Variants in RANBP2 observed in about 807,000 individuals in gnomAD.
The protein encoded by RANBP2 is E3 SUMO-protein ligase RanBP2.
In RANBP2, 57 loss-of-function variants were observed where a neutral mutation model predicts 303.6. The observed-to-expected ratio is 0.19, with a 90% CI of 0.15 to 0.23. The LOEUF (loss-of-function observed/expected upper bound fraction) is 0.23, where lower values mean the gene tolerates loss of function less well. Among genes scored for constraint, RANBP2 ranks in the 10% least tolerant of loss-of-function variants. The pLI, the probability that RANBP2 is intolerant of heterozygous loss-of-function variation, is 1.00. For synonymous variants in RANBP2, 1,167 were observed against 1,301.5 expected, an observed-to-expected ratio of 0.90 and a Z score of 2.23; for missense variants, 3,138 against 3,780.8, an observed-to-expected ratio of 0.83 and a Z score of 4.46.
the RANBP2 span, among the ~76,000 whole-genome samples, chr2:108,848,316 G>A: frequency 4.6e-5 from 7 of 152,136 alleles, no homozygotes; most frequent in African/African-American, 1.7e-4. Flanking sequence ...GTCACCACTT[G>A]TGTGCAGCAG....
chr2:109,612,939 A>T, the RANBP2 span, among the ~76,000 whole-genome samples: 1 of 152,246 alleles, frequency 6.6e-6, no homozygotes, highest in Non-Finnish European at 1.5e-5. Flanking sequence ...CTTCTCATGT[A>T]GGAGGTTGCT....
chr2:108,749,287 T>C (rs529254491), intron 9 of RANBP2, among the ~76,000 whole-genome samples, 158 bp downstream of exon 9: 6 of 152,026 alleles, frequency 3.9e-5, no homozygotes, highest in African/African-American at 1.4e-4. Context: ...GGGGGTGGCA[T>C]GTATTTTTTG....
At chr2:109,546,718 T>C in the RANBP2 span, among the ~76,000 whole-genome samples, 1 of 152,182 alleles carries the variant, frequency 6.6e-6, no homozygotes, top group Non-Finnish European at 1.5e-5. Context: ...TTGTCAACTA[T>C]GTCAAGAATG....
At chr2:109,553,217 A>G in the RANBP2 span, 1 of 1,613,628 alleles carries the variant, frequency 6.2e-7, no homozygotes, top group Non-Finnish European at 8.5e-7. Flanking sequence ...GGTCTCTTGA[A>G]CACTAAAAAG....
At chr2:108,725,443 C>G (rs1324708636) in intron 1 of RANBP2, among the ~76,000 whole-genome samples, 1 of 152,154 alleles carries the variant, frequency 6.6e-6, no homozygotes, top group Non-Finnish European at 1.5e-5. Context: ...TGGCATTGTA[C>G]CTTGAATCTA....
the RANBP2 span, among the ~76,000 whole-genome samples, chr2:109,315,490 A>G: frequency 6.8e-4 from 104 of 152,376 alleles, 1 homozygote; most frequent in African/African-American, 2.3e-3. Context: ...GCAGTAAGGA[A>G]CTGTCTCAGT....
chr2:109,324,741 C>T, the RANBP2 span, among the ~76,000 whole-genome samples: 56,060 of 152,102 alleles, frequency 0.37, 11,910 homozygotes, highest in Non-Finnish European at 0.48. Context: ...GCTGCATAAG[C>T]GCCAAATGAC....
the RANBP2 span, among the ~76,000 whole-genome samples, chr2:109,184,438 C>T: frequency 6.6e-6 from 1 of 152,188 alleles, no homozygotes; most frequent in Admixed American, 6.5e-5. Context: ...TTTGCTATTG[C>T]TGTGGCGGGG....
the RANBP2 span, among the ~76,000 whole-genome samples, chr2:109,200,851 C>T: frequency 1.3e-5 from 2 of 152,214 alleles, no homozygotes; most frequent in East Asian, 1.9e-4. Flanking sequence ...CCCCTAAGTG[C>T]GGCCTCTCAG....
chr2:109,704,513 CAGAG>C, the RANBP2 span, among the ~76,000 whole-genome samples: 5 of 151,908 alleles, frequency 3.3e-5, no homozygotes, highest in African/African-American at 1.2e-4. Context: ...GCCTGGGCAA[CAGAG>C]AGAGACCCTG....
At chr2:109,450,957 G>T in the RANBP2 span, among the ~76,000 whole-genome samples, 1 of 152,224 alleles carries the variant, frequency 6.6e-6, no homozygotes, top group African/African-American at 2.4e-5. Flanking sequence ...CTTTCTCGAG[G>T]ACATTGCCAA....
chr2:109,455,737 A>G, the RANBP2 span, among the ~76,000 whole-genome samples: 15 of 152,172 alleles, frequency 9.9e-5, no homozygotes, highest in Non-Finnish European at 2.1e-4. Context: ...CGTCCATCCC[A>G]GTTCTGTCGA....
chr2:109,395,778 G>A, the RANBP2 span, among the ~76,000 whole-genome samples: 15 of 152,156 alleles, frequency 9.9e-5, no homozygotes, highest in African/African-American at 3.6e-4. Context: ...TGTGTCTCCT[G>A]ATGAGAATAG....
At chr2:109,037,838 G>C in the RANBP2 span, among the ~76,000 whole-genome samples, 1 of 152,192 alleles carries the variant, frequency 6.6e-6, no homozygotes, top group Non-Finnish European at 1.5e-5. Flanking sequence ...CCAAGTTCAT[G>C]AGTTGGGTGA....
chr2:109,442,265 C>T, the RANBP2 span, among the ~76,000 whole-genome samples: 2 of 148,658 alleles, frequency 1.3e-5, no homozygotes, highest in Admixed American at 6.7e-5. Flanking sequence ...GAGCCGAGAT[C>T]GTGCCACTGC....
At chr2:109,607,800 G>T in the RANBP2 span, among the ~76,000 whole-genome samples, 1 of 152,212 alleles carries the variant, frequency 6.6e-6, no homozygotes, top group East Asian at 1.9e-4. Flanking sequence ...CACCCCTAGG[G>T]AAACTCTGAC....
At chr2:108,786,884 G>C (rs1347587683), downstream of RANBP2, 3 of 1,567,712 alleles carry the variant, frequency 1.9e-6, no homozygotes, top group Non-Finnish European at 2.6e-6. Flanking sequence ...CTCAAAAGCC[G>C]CTACGGACTC....
the RANBP2 span, among the ~76,000 whole-genome samples, chr2:109,450,005 G>A: frequency 6.6e-6 from 1 of 152,156 alleles, no homozygotes; most frequent in Non-Finnish European, 1.5e-5. Context: ...CCTGATGGCT[G>A]GTGTGTTTTT....
chr2:109,336,279 G>C, the RANBP2 span, among the ~76,000 whole-genome samples: 1 of 152,188 alleles, frequency 6.6e-6, no homozygotes, highest in Non-Finnish European at 1.5e-5. Flanking sequence ...TCTAGACTAG[G>C]TAAAATGACA....
Sources: gnomAD v4.1 joint callset for allele counts (sites outside exome capture counted in the v4.1 genomes callset) on GRCh38, gnomAD v4.1.1 for gene constraint, MANE v1.5 for transcripts, NCBI Gene and HGNC (gene_info 2026-07-23, HGNC 2026-07-21) for gene names.